The following PPM1K variants were observed in gnomAD, a reference collection of about 807,000 sequenced individuals.
PPM1K encodes protein phosphatase, Mg2+/Mn2+ dependent 1K, also known as protein phosphatase Mn(2+)-dependent 1K.
PPM1K carries 19 observed loss-of-function variants against 32.6 expected under a neutral mutation model. The observed-to-expected ratio is 0.58, with a 90% CI of 0.41 to 0.86. The LOEUF is 0.86. Among genes scored for constraint, PPM1K ranks in the 40% least tolerant of loss-of-function variants. The pLI is 0.00. For missense variants in PPM1K, 362 were observed against 461.2 expected (o/e 0.78, Z 1.97); for synonymous variants, 159 against 165.3 (o/e 0.96, Z 0.29).
chr4:88,280,717 G>C (rs1448759058), intron 1 of PPM1K, among the ~76,000 whole-genome samples: 1 of 152,096 alleles, frequency 6.6e-6, no homozygotes, highest in Non-Finnish European at 1.5e-5. Flanking sequence ...GGGCAACATG[G>C]TGAAACCCTG....
intron 3 of PPM1K, chr4:88,276,483 A>G: frequency 1.0e-6 from 1 of 985,414 alleles, no homozygotes; most frequent in South Asian, 4.7e-5. Flanking sequence ...TTTAGTCAAA[A>G]CCAGAAACAT....
rs995653775 is a variant in PPM1K, at chr4:88,261,301, C to T, written c.*1294G>A. The T allele has an allele frequency of 3.3e-5, 5 of 151,980 alleles. No homozygotes were observed. The highest frequency in any genetic ancestry group is 1.2e-4 in the African/African-American group (5 of 41,376). The allele number at this position is 151,980 out of a possible 1,614,324, so 9.4% of individuals were successfully genotyped here. On this transcript the variant is annotated 3_prime_UTR_variant, in exon 7 of 7. Transcript: ENST00000608933. ...TTTCTCCTAAGTCTTAGAAAATGAG[C>T]AAAAAGGAGACATAAAACTCAAGCT...
At position 88,257,846 on chromosome 4, in the gene PPM1K, T is replaced by C. The variant is rs2110147412; in HGVS notation, c.*4749A>G. 1 of 152,316 alleles carries C rather than the reference T, an allele frequency of 6.6e-6. No individual in the cohort carries two copies. The highest frequency in any genetic ancestry group is 2.1e-4 in the South Asian group (1 of 4,830). 9.4% of individuals were successfully genotyped at this position (152,316 alleles called of 1,614,324 possible). Reference sequence around the variant, plus strand: ...GAAATTAAATCAGTTTGGGGACACATCAGGCTGCTAAATTCTGTACTAGAA... The same window carrying C: ...GAAATTAAATCAGTTTGGGGACACACCAGGCTGCTAAATTCTGTACTAGAA... On this transcript the variant is annotated 3_prime_UTR_variant, in exon 7 of 7. Coordinates refer to ENST00000608933, the MANE Select transcript of PPM1K (RefSeq NM_152542.5).
intron 3 of PPM1K, among the ~76,000 whole-genome samples, chr4:88,269,796 C>T (rs899228960): frequency 2.0e-5 from 3 of 152,222 alleles, no homozygotes; most frequent in Admixed American, 6.5e-5. Flanking sequence ...AAATAAAATT[C>T]ATTGTTACTG....
intron 3 of PPM1K, among the ~76,000 whole-genome samples, chr4:88,272,366 G>A (rs1731596958): frequency 6.6e-6 from 1 of 152,098 alleles, no homozygotes; most frequent in Non-Finnish European, 1.5e-5. Context: ...AAAGTTTCTG[G>A]TGAGACTCAT....
chr4:88,274,357 A>G (rs1228331833), intron 3 of PPM1K, among the ~76,000 whole-genome samples: 1 of 152,236 alleles, frequency 6.6e-6, no homozygotes, highest in Non-Finnish European at 1.5e-5. Flanking sequence ...CAAAGAAAAA[A>G]TTACAGTAAC....
rs199904313 is a variant in PPM1K, at chr4:88,262,657, T to C, written c.1057A>G (p.Lys353Glu). Residue 353 changes from lysine (K) to glutamate (E), a missense_variant, in exon 7 of 7, where the codon AAG (lysine) becomes GAG (glutamate). Transcript: ENST00000608933. The stretch of plus-strand genomic sequence containing the variant: ...AATGAGAAGTTGATTTCAGAGTTCT[T>C]ATATTTTCCCCAGGCACCAAAAGGC... ...VVPFGAWGKY[K>E]NSEINFSFSR... is the part of the protein sequence containing the mutation. The C allele has an allele frequency of 1.9e-5, 31 of 1,614,036 alleles. No homozygotes were observed. The Middle Eastern group carries it at 8.2e-4, about 43-fold the overall frequency.
chr4:88,273,418 C>T (rs1252784703), intron 3 of PPM1K, among the ~76,000 whole-genome samples: 4 of 152,192 alleles, frequency 2.6e-5, no homozygotes, highest in African/African-American at 2.4e-5. Context: ...CAATGGCTCA[C>T]GCCTGTAATC....
intron 3 of PPM1K, among the ~76,000 whole-genome samples, chr4:88,273,988 C>A (rs1435177503): frequency 6.6e-6 from 1 of 152,206 alleles, no homozygotes; most frequent in East Asian, 1.9e-4. Context: ...AAGCCTCCTG[C>A]ACTTCACCAT....
intron 3 of PPM1K, chr4:88,275,037 G>C: frequency 1.3e-6 from 1 of 795,592 alleles, no homozygotes. Flanking sequence ...GCATCATCTT[G>C]TCTTGCTCCA....
chr4:88,273,749 TTTTC>T (rs753771671), intron 3 of PPM1K, among the ~76,000 whole-genome samples: 5 of 151,864 alleles, frequency 3.3e-5, no homozygotes, highest in Non-Finnish European at 5.9e-5. Context: ...CCATCTTCCC[TTTTC>T]TTTGTCACCA....
intron 1 of PPM1K, among the ~76,000 whole-genome samples, chr4:88,281,410 A>T (rs139774167): frequency 6.6e-6 from 1 of 152,310 alleles, no homozygotes; most frequent in East Asian, 1.9e-4. Context: ...GCATTCTCAC[A>T]GAGAACAAAT....
intron 2 of PPM1K, chr4:88,277,726 A>G (rs932930279): frequency 3.4e-5 from 7 of 207,252 alleles, no homozygotes; most frequent in Non-Finnish European, 5.8e-5. Flanking sequence ...GCATTTTTCC[A>G]CACTAATGCC....
chr4:88,261,202 T>C lies in PPM1K; in HGVS notation c.*1393A>G, dbSNP rs1161668930. The C allele has an allele frequency of 7.2e-5, 11 of 152,200 alleles. No individual in the cohort carries two copies. The highest frequency in any genetic ancestry group is 1.6e-4 in the Non-Finnish European group (11 of 68,038). 9.4% of individuals were successfully genotyped at this position (152,200 alleles called of 1,614,324 possible). Reference sequence around the variant, plus strand: ...AAACTTACATGCAGATAAAGAGAAGTATAGTTTTATACTTCCTAAGTTACA... The same window carrying C: ...AAACTTACATGCAGATAAAGAGAAGCATAGTTTTATACTTCCTAAGTTACA... On this transcript the variant is annotated 3_prime_UTR_variant, in exon 7 of 7. Transcript: ENST00000608933.
At chr4:88,272,886 T>A (rs1560489408) in intron 3 of PPM1K, among the ~76,000 whole-genome samples, 1 of 152,214 alleles carries the variant, frequency 6.6e-6, no homozygotes, top group Non-Finnish European at 1.5e-5. Context: ...TATTATATTT[T>A]ACAGATCAGT....
intron 6 of PPM1K, among the ~76,000 whole-genome samples, chr4:88,264,484 C>T (rs984449592): frequency 1.3e-5 from 2 of 152,156 alleles, no homozygotes; most frequent in Non-Finnish European, 1.5e-5. Flanking sequence ...GCTTGGAGCA[C>T]TCTAGTTTAA....
At chr4:88,275,833 A>G (rs1731745557) in intron 3 of PPM1K, 1 of 985,354 alleles carries the variant, frequency 1.0e-6, no homozygotes, top group African/African-American at 1.7e-5. Flanking sequence ...TATTTGGAAC[A>G]AGAGCTAAGT....
intron 1 of PPM1K, among the ~76,000 whole-genome samples, chr4:88,282,094 CTAAG>C (rs1438784918): frequency 1.3e-5 from 2 of 152,134 alleles, no homozygotes; most frequent in African/African-American, 4.8e-5. Context: ...ATTCCACAAA[CTAAG>C]AGAGAGAAGG....
chr4:88,263,532 A>C (rs1731203020), intron 6 of PPM1K, among the ~76,000 whole-genome samples: 1 of 152,174 alleles, frequency 6.6e-6, no homozygotes, highest in South Asian at 2.1e-4. Flanking sequence ...TTGACCTCCC[A>C]GACCCAGGTG....
Sources: allele counts gnomAD v4.1 joint callset (sites outside exome capture counted in the v4.1 genomes callset), GRCh38; gene constraint gnomAD v4.1.1; transcripts MANE v1.5; gene names NCBI Gene and HGNC (gene_info 2026-07-23, HGNC 2026-07-21).